CCDC102B: variants seen among roughly 807,000 people sequenced by gnomAD.
CCDC102B encodes coiled-coil domain-containing protein 102B.
CCDC102B carries 75 observed loss-of-function variants against 57.4 expected under a neutral mutation model. The ratio of observed to expected loss-of-function variants is 1.31; its 90% CI spans 1.08 to 1.58. CCDC102B has a LOEUF of 1.58. CCDC102B is among the 40% of genes most tolerant of loss of function. The probability of loss-of-function intolerance (pLI) is 0.00; values close to 1 mark genes in which losing one functional copy is unlikely to be tolerated. For missense variants in CCDC102B, 636 were observed against 582.6 expected, an observed-to-expected ratio of 1.09 and a Z score of -0.94; for synonymous variants, 206 against 201.9, an observed-to-expected ratio of 1.02 and a Z score of -0.17.
chr18:68,790,382 T>C (rs1170411788), intron 2 of CCDC102B, among the ~76,000 whole-genome samples: 2 of 151,932 alleles, frequency 1.3e-5, no homozygotes, highest in Non-Finnish European at 2.9e-5. Context: ...TGGGCTGCTT[T>C]GTTTACCTAA....
rs532520734 is a variant in CCDC102B at position 68,737,490 on chromosome 18, A to G, written c.-67+20896A>G. On this transcript the variant is annotated intron_variant, in intron 2 of 3. Coordinates refer to the CCDC102B transcript ENST00000578970. ...TGGTGGTAGTGGCAGTGGTGTGTGT[A>G]TGTGTGTGTGTCTGTGTGTGTGTGA... Among the ~76,000 whole-genome samples, 59 of 150,690 alleles carry G rather than the reference A, an allele frequency of 3.9e-4. 1 individual carries two copies. The highest frequency in any genetic ancestry group is 1.4e-3 in the African/African-American group (58 of 41,054).
chr18:68,845,698 G>A (rs1390490413), intron 3 of CCDC102B, among the ~76,000 whole-genome samples: 1 of 151,784 alleles, frequency 6.6e-6, no homozygotes, highest in Non-Finnish European at 1.5e-5. Context: ...CCAGTGGTTG[G>A]TGTATTAAAG....
At chr18:68,979,541 T>C (rs574062581) in intron 6 of CCDC102B, among the ~76,000 whole-genome samples, 40 of 152,084 alleles carry the variant, frequency 2.6e-4, no homozygotes, top group Admixed American at 1.9e-3. Flanking sequence ...AGAATAATAT[T>C]TATTAGAATT....
chr18:68,888,850 T>G (rs905890026), intron 5 of CCDC102B, among the ~76,000 whole-genome samples: 1 of 152,182 alleles, frequency 6.6e-6, no homozygotes, highest in Admixed American at 6.5e-5. Flanking sequence ...GTAAGTCATG[T>G]GTGGTATAAC....
intron 7 of CCDC102B, among the ~76,000 whole-genome samples, chr18:69,014,696 G>A (rs902541057): frequency 1.3e-5 from 2 of 151,890 alleles, no homozygotes; most frequent in African/African-American, 4.8e-5. Context: ...AGATAATCAC[G>A]AGGTGTTTTT....
chr18:69,031,045 C>G (rs897698175), intron 7 of CCDC102B, among the ~76,000 whole-genome samples: 1 of 152,118 alleles, frequency 6.6e-6, no homozygotes, highest in African/African-American at 2.4e-5. Context: ...ACAGAGAAAT[C>G]CATATAAATG....
intron 6 of CCDC102B, among the ~76,000 whole-genome samples, chr18:68,906,725 T>C (rs767598379): frequency 5.9e-5 from 9 of 152,348 alleles, no homozygotes; most frequent in Admixed American, 2.6e-4. Flanking sequence ...TCTTTATATA[T>C]TCTGGATACT....
chr18:68,846,423 T>A lies in CCDC102B; in HGVS notation c.936+2T>A. On this transcript the variant is annotated splice_donor_variant, in intron 4 of 7. Transcript: ENST00000360242. LOFTEE classifies it high-confidence loss of function. ...TCAAAGCCAAAAAATGTGAAAGAGG[T>A]ATGGGGGAATATGATGTAAAGGAAG... The A allele has an allele frequency of 6.6e-7, 1 of 1,514,386 alleles. No homozygotes were observed. Among genetic ancestry groups the A allele is most frequent in the Non-Finnish European group, 9.0e-7 (1 of 1,113,590 alleles). 93.8% of individuals were successfully genotyped at this position (1,514,386 alleles called of 1,614,324 possible). A position where few individuals can be genotyped will look rare whatever the true frequency, so the allele number is the denominator to read the frequency against.
chr18:69,055,702 C>T (rs143927974), downstream of CCDC102B, among the ~76,000 whole-genome samples: 430 of 152,194 alleles, frequency 2.8e-3, 2 homozygotes, highest in African/African-American at 9.0e-3. Context: ...GCGTCTTCCT[C>T]TCAAGATCCT....
intron 6 of CCDC102B, among the ~76,000 whole-genome samples, chr18:68,983,469 G>A (rs1489659065): frequency 1.3e-5 from 2 of 151,898 alleles, no homozygotes; most frequent in Admixed American, 1.3e-4. Flanking sequence ...ACATTTGGCT[G>A]GTTGGCTATA....
At chr18:68,856,972 A>G (rs1254488189) in intron 4 of CCDC102B, among the ~76,000 whole-genome samples, 1 of 143,042 alleles carries the variant, frequency 7.0e-6, no homozygotes, top group East Asian at 2.0e-4. Context: ...ACACACATAT[A>G]CAGTATATAT....
intron 2 of CCDC102B, among the ~76,000 whole-genome samples, chr18:68,755,638 G>A (rs551151131): frequency 6.6e-6 from 1 of 152,020 alleles, no homozygotes; most frequent in South Asian, 2.1e-4. Context: ...AAAATTGTTA[G>A]AAAAGTAATT....
chr18:69,047,057 T>C (rs1157885597), intron 7 of CCDC102B, among the ~76,000 whole-genome samples: 2 of 152,112 alleles, frequency 1.3e-5, no homozygotes, highest in Non-Finnish European at 2.9e-5. Context: ...TATTTTTGCT[T>C]AGAATTGCCT....
At chr18:68,746,527 C>G (rs1162037419) in intron 2 of CCDC102B, among the ~76,000 whole-genome samples, 1 of 152,020 alleles carries the variant, frequency 6.6e-6, no homozygotes, top group Non-Finnish European at 1.5e-5. Context: ...TCCTGAACAG[C>G]GAAATGATGG....
At chr18:68,725,492 T>G (rs2032553608) in intron 2 of CCDC102B, among the ~76,000 whole-genome samples, 1 of 152,170 alleles carries the variant, frequency 6.6e-6, no homozygotes, top group African/African-American at 2.4e-5. Context: ...CTGTTGGAAT[T>G]TACTTGTATG....
intron 2 of CCDC102B, among the ~76,000 whole-genome samples, chr18:68,741,706 CACA>C (rs1185531489): frequency 8.5e-6 from 1 of 117,680 alleles, no homozygotes; most frequent in African/African-American, 3.9e-5. Context: ...CACACACACA[CACA>C]CACACCCCAA....
intron 6 of CCDC102B, among the ~76,000 whole-genome samples, chr18:68,970,429 A>G (rs1010329952): frequency 6.6e-6 from 1 of 152,016 alleles, no homozygotes; most frequent in Non-Finnish European, 1.5e-5. Flanking sequence ...TTTCTGTTTC[A>G]CATCTAACTT....
At chr18:68,755,645 A>T (rs939840333) in intron 2 of CCDC102B, among the ~76,000 whole-genome samples, 1 of 152,122 alleles carries the variant, frequency 6.6e-6, no homozygotes, top group Non-Finnish European at 1.5e-5. Flanking sequence ...TTAGAAAAGT[A>T]ATTGAAATGG....
chr18:68,922,318 G>A lies in CCDC102B; in HGVS notation c.1263+24890G>A, dbSNP rs139425447. Among the ~76,000 whole-genome samples, 260 of 152,202 alleles carry A rather than the reference G, an allele frequency of 1.7e-3. 3 individuals are homozygous for A. The highest frequency in any genetic ancestry group is 5.9e-3 in the African/African-American group (243 of 41,530). ...ACTCATACAAGAATTGCTGATATAC[G>A]GCTTATGCTGTCTCAGAGGGGACAC... On this transcript the variant is annotated intron_variant, in intron 6 of 7. Transcript: ENST00000360242.
Sources: allele counts gnomAD v4.1 joint callset (sites outside exome capture counted in the v4.1 genomes callset), GRCh38; gene constraint gnomAD v4.1.1; transcripts MANE v1.5; gene names NCBI Gene and HGNC (gene_info 2026-07-23, HGNC 2026-07-21).